The following RNF38 variants were observed in gnomAD, a reference collection of about 807,000 sequenced individuals.
RNF38 encodes E3 ubiquitin-protein ligase RNF38.
A neutral mutation model predicts 67.2 loss-of-function variants in RNF38; 15 were observed. The ratio of observed to expected loss-of-function variants is 0.22; its 90% confidence interval spans 0.15 to 0.34. RNF38 has a LOEUF of 0.34. Among genes scored for constraint, RNF38 ranks in the 10% least tolerant of loss-of-function variants. The pLI is 1.00. For missense variants in RNF38, 524 were observed against 639.9 expected, an observed-to-expected ratio of 0.82 and a Z score of 1.95; for synonymous variants, 220 against 218.8, an observed-to-expected ratio of 1.01 and a Z score of -0.05.
chr9:36,342,516 T>C (rs1459427199), intron 10 of RNF38, 92 bp from the exon 11 acceptor site: 8 of 792,762 alleles, frequency 1.0e-5, no homozygotes, highest in African/African-American at 1.7e-5. Flanking sequence ...TATTCTGTTA[T>C]CAAAACGTCA....
At chr9:36,373,773 G>A (rs1301835394) in intron 3 of RNF38, among the ~76,000 whole-genome samples, 1 of 151,200 alleles carries the variant, frequency 6.6e-6, no homozygotes, top group East Asian at 1.9e-4. Context: ...ACCGCACCCG[G>A]CCTTGCTAGC....
intron 1 of RNF38, among the ~76,000 whole-genome samples, chr9:36,475,481 C>G (rs983895565): frequency 1.3e-5 from 2 of 151,744 alleles, no homozygotes; most frequent in Non-Finnish European, 2.9e-5. Context: ...CCTCAGCCTC[C>G]CAAGGAGCTG....
At chr9:36,379,757 C>T (rs1223787902) in intron 2 of RNF38, among the ~76,000 whole-genome samples, 2 of 151,998 alleles carry the variant, frequency 1.3e-5, no homozygotes, top group African/African-American at 4.8e-5. Flanking sequence ...GAGAAAAATG[C>T]CCTAAATAGA....
intron 2 of RNF38, among the ~76,000 whole-genome samples, chr9:36,377,512 ATAT>A (rs1193391850): frequency 6.6e-6 from 1 of 152,204 alleles, no homozygotes; most frequent in African/African-American, 2.4e-5. Flanking sequence ...TATTTAGGAG[ATAT>A]TATAATCAAT....
intron 1 of RNF38, among the ~76,000 whole-genome samples, chr9:36,473,627 C>T (rs1840048991): frequency 1.3e-5 from 2 of 151,928 alleles, no homozygotes; most frequent in Non-Finnish European, 1.5e-5. Flanking sequence ...AAGTGTACCA[C>T]TCTGATGTAC....
intron 2 of RNF38, among the ~76,000 whole-genome samples, chr9:36,379,638 A>C (rs1441330612): frequency 6.6e-6 from 1 of 152,210 alleles, no homozygotes; most frequent in Admixed American, 6.5e-5. Context: ...ATATCCAATA[A>C]ATGACAGAAG....
chr9:36,400,177 C>G lies in RNF38; in HGVS notation c.-69G>C. ...CCTGAAACACTCCCGTTTCAAAAACCAACCTCTCTCACGCTTCAACCCTGA... is the reference window on the plus strand; with the variant it reads ...CCTGAAACACTCCCGTTTCAAAAACGAACCTCTCTCACGCTTCAACCCTGA... On this transcript the variant is annotated 5_prime_UTR_variant, in exon 1 of 12. Coordinates refer to ENST00000259605, the MANE Select transcript of RNF38 (RefSeq NM_022781.5). The G allele has an allele frequency of 3.1e-6, 5 of 1,593,038 alleles. No homozygotes were observed. In the East Asian group the frequency reaches 9.0e-5, roughly 29 times the overall value.
chr9:36,379,365 AG>A (rs1006897595), intron 2 of RNF38, among the ~76,000 whole-genome samples: 9 of 152,240 alleles, frequency 5.9e-5, no homozygotes, highest in African/African-American at 2.2e-4. Context: ...AGAAAAGGGA[AG>A]GGGTAGTAAC....
At chr9:36,400,623 G>A (rs1423940191), upstream of RNF38, 8 of 985,712 alleles carry the variant, frequency 8.1e-6, no homozygotes, top group Non-Finnish European at 9.6e-6. Context: ...CTCCTATTGT[G>A]ACTGCTCGCC....
At chr9:36,426,615 G>A (rs530041837) in intron 1 of RNF38, among the ~76,000 whole-genome samples, 309 of 152,224 alleles carry the variant, frequency 2.0e-3, no homozygotes, top group African/African-American at 6.9e-3. Flanking sequence ...TTGTGTGAAC[G>A]TTTATTTTCA....
At chr9:36,477,663 A>T (rs1196615719) in intron 1 of RNF38, among the ~76,000 whole-genome samples, 2 of 151,456 alleles carry the variant, frequency 1.3e-5, no homozygotes, top group Non-Finnish European at 2.9e-5. Flanking sequence ...CCTACTAAAA[A>T]ATACAAAAAA....
At position 36,369,899 on chromosome 9, in the gene RNF38, A is replaced by G; in HGVS notation, c.390T>C (p.Asp130=). Residue 130 remains aspartate, a synonymous_variant, in exon 4 of 12, where the codon GAT becomes GAC. Coordinates refer to ENST00000259605, the MANE Select transcript of RNF38 (RefSeq NM_022781.5). ...PPVRRQRGRR[D]RLSRHNSISQ... ...TAATGGAATTATGTCGAGACAGACG[A>G]TCCCTTCTTCCTCTCTGGCGCCTGA... The G allele has an allele frequency of 6.2e-7, 1 of 1,613,248 alleles. No homozygotes were observed. The highest frequency in any genetic ancestry group is 1.1e-5 in the South Asian group (1 of 91,046).
intron 2 of RNF38, among the ~76,000 whole-genome samples, chr9:36,383,504 T>A (rs1836360796): frequency 6.6e-6 from 1 of 152,200 alleles, no homozygotes; most frequent in African/African-American, 2.4e-5. Flanking sequence ...TGTGTTTCTA[T>A]TAGTGAAACT....
At chr9:36,473,958 C>A (rs1286114600) in intron 1 of RNF38, among the ~76,000 whole-genome samples, 58 of 147,318 alleles carry the variant, frequency 3.9e-4, no homozygotes, top group Non-Finnish European at 7.0e-4. Context: ...TGCACTCCAG[C>A]CTGGGCAATA....
chr9:36,396,155 CTATT>C (rs1342256803), intron 1 of RNF38, among the ~76,000 whole-genome samples: 2 of 152,190 alleles, frequency 1.3e-5, no homozygotes, highest in African/African-American at 2.4e-5. Context: ...AGGCATTCAA[CTATT>C]TATTAAAAGA....
chr9:36,364,305 A>T (rs1834782054), intron 4 of RNF38, among the ~76,000 whole-genome samples: 1 of 152,166 alleles, frequency 6.6e-6, no homozygotes, highest in Non-Finnish European at 1.5e-5. Context: ...TCTAGCTTAC[A>T]TTATAAGAAT....
chr9:36,452,793 G>C (rs1839487579), intron 1 of RNF38, among the ~76,000 whole-genome samples: 1 of 152,108 alleles, frequency 6.6e-6, no homozygotes, highest in African/African-American at 2.4e-5. Context: ...CTGGCCTTCT[G>C]AAGTGATGAG....
intron 1 of RNF38, among the ~76,000 whole-genome samples, chr9:36,475,860 A>C (rs1379018837): frequency 6.6e-6 from 1 of 151,142 alleles, no homozygotes; most frequent in African/African-American, 2.4e-5. Context: ...TACTAAAAAT[A>C]CAAAAATTAG....
intron 1 of RNF38, among the ~76,000 whole-genome samples, chr9:36,483,009 A>G (rs1840313912): frequency 6.6e-6 from 1 of 152,212 alleles, no homozygotes; most frequent in African/African-American, 2.4e-5. Flanking sequence ...GGAGTACAGA[A>G]TAGATTTCCA....
Sources: allele counts gnomAD v4.1 joint callset (sites outside exome capture counted in the v4.1 genomes callset), GRCh38; gene constraint gnomAD v4.1.1; transcripts MANE v1.5; gene names NCBI Gene and HGNC (gene_info 2026-07-23, HGNC 2026-07-21).